ZNF566: variants seen among roughly 807,000 people sequenced by gnomAD.
ZNF566 encodes zinc finger protein 566.
ZNF566 carries 27 observed loss-of-function variants against 32.8 expected under a neutral mutation model. The ratio of observed to expected loss-of-function variants is 0.82; its 90% CI spans 0.61 to 1.14. ZNF566 has a LOEUF of 1.14. ZNF566 is among the 50% of genes most tolerant of loss of function. ZNF566 has a pLI of 0.00. For synonymous variants in ZNF566, 154 were observed against 159.5 expected, an observed-to-expected ratio of 0.97 and a Z score of 0.26; for missense variants, 402 against 490.4, an observed-to-expected ratio of 0.82 and a Z score of 1.70.
At position 36,467,808 on chromosome 19, in the gene ZNF566, AAAAAAAAAAAAAAAAAG is replaced by A. The variant is rs1568521844; in HGVS notation, c.232+5086_232+5102del. Among the ~76,000 whole-genome samples the A allele has an allele frequency of 3.3e-3, 77 of 23,074 alleles. 1 individual carries two copies. Among genetic ancestry groups the A allele is most frequent in the African/African-American group, 0.011 (67 of 6,024 alleles). 15.1% of individuals were successfully genotyped at this position (23,074 alleles called of 152,430 possible). ...TCCATCTCAAAAAAAAAAAAAAAAAAAAAAAAAAAAAAAAAAGAAAAAAAGAAGGAAATGCAAATTAA... is the reference window on the plus strand; with the variant it reads ...TCCATCTCAAAAAAAAAAAAAAAAAAAAAAAAAGAAGGAAATGCAAATTAA... On this transcript the variant is annotated intron_variant, in intron 4 of 4. Transcript: ENST00000452939.
At chr19:36,453,632 G>A (rs1325606564) in intron 4 of ZNF566, among the ~76,000 whole-genome samples, 2 of 151,426 alleles carry the variant, frequency 1.3e-5, no homozygotes, top group Non-Finnish European at 2.9e-5. Flanking sequence ...AGAAGTTAAA[G>A]TGTAGACTTT....
Position 36,473,773 on chromosome 19 carries a change from A to G in ZNF566, c.10-315T>C, listed in dbSNP as rs146775574. Among the ~76,000 whole-genome samples, 31 of 152,328 alleles carry G rather than the reference A, an allele frequency of 2.0e-4. No homozygotes were observed. In the East Asian group the frequency reaches 5.8e-3, roughly 28 times the overall value. ...AATTGTATATGCAATGCCTCACACT[A>G]TACCTGTCATATAATAAATCAACGA... is the stretch of plus-strand genomic sequence containing the variant. On this transcript the variant is annotated intron_variant, in intron 2 of 4. Transcript: ENST00000452939.
chr19:36,458,493 T>C (rs1207379425), intron 4 of ZNF566, among the ~76,000 whole-genome samples: 1 of 151,930 alleles, frequency 6.6e-6, no homozygotes, highest in Non-Finnish European at 1.5e-5. Flanking sequence ...TCACCAGGGG[T>C]TGGGGGACGG....
intron 4 of ZNF566, among the ~76,000 whole-genome samples, chr19:36,470,174 A>G (rs894351107): frequency 2.0e-5 from 3 of 152,106 alleles, no homozygotes; most frequent in South Asian, 2.1e-4. Context: ...AAGACTCTAT[A>G]TCTCTACATT....
Position 36,489,550 on chromosome 19 carries a change from C to T in ZNF566, c.-124G>A. On this transcript the variant is annotated 5_prime_UTR_variant, in exon 1 of 5. Transcript: ENST00000452939. ...AGTTGCTGGTAAAGCCCTGAGGGTC[C>T]CGCCAGCGCGTGAGTTGGAAGCTGA... 1 of 356,946 alleles carries T rather than the reference C, an allele frequency of 2.8e-6. No homozygotes were observed. Among genetic ancestry groups the T allele is most frequent in the East Asian group, 7.6e-5 (1 of 13,204 alleles). 22.1% of individuals were successfully genotyped at this position (356,946 alleles called of 1,614,324 possible).
At chr19:36,474,723 T>C (rs1391118181) in intron 2 of ZNF566, among the ~76,000 whole-genome samples, 3 of 152,202 alleles carry the variant, frequency 2.0e-5, no homozygotes, top group Non-Finnish European at 4.4e-5. Context: ...TTTAAAAACT[T>C]TGTATCTTAG....
At chr19:36,463,692 GCCA>G (rs200144005) in intron 4 of ZNF566, among the ~76,000 whole-genome samples, 2,011 of 150,760 alleles carry the variant, frequency 0.013, 47 homozygotes, top group African/African-American at 0.046. Flanking sequence ...ACAGGTGTGC[GCCA>G]CCACACCTGG....
At chr19:36,480,858 G>A (rs889917563) in intron 1 of ZNF566, among the ~76,000 whole-genome samples, 5 of 151,528 alleles carry the variant, frequency 3.3e-5, no homozygotes, top group African/African-American at 1.2e-4. Context: ...TGGCCAACAT[G>A]TTGAAATGCT....
chr19:36,448,999 T>C lies in ZNF566; in HGVS notation c.1235A>G (p.Gln412Arg). Residue 412 changes from glutamine (Q) to arginine (R), a missense_variant, in exon 5 of 5, where the codon CAG becomes CGG. Gln to Arg is a conservative substitution (Grantham distance 43). Around this residue, in one of 3 missense-constraint regions of ZNF566, gnomAD observed 47 missense variants for 38.5 expected, o/e 1.22. Transcript: ENST00000452939. ...KNFNYDPQLI[Q>R]HQNLYW The stretch of plus-strand genomic sequence containing the variant: ...TCATCACCAGTACAAATTTTGATGC[T>C]GAATAAGTTGTGGGTCATAATTAAA... 6.3e-7 allele frequency: 1 copy of C among 1,587,214 alleles called. No individual in the cohort carries two copies. The highest frequency in any genetic ancestry group is 8.6e-7 in the Non-Finnish European group (1 of 1,169,574).
At chr19:36,474,322 T>C (rs1224230796) in intron 2 of ZNF566, among the ~76,000 whole-genome samples, 1 of 152,112 alleles carries the variant, frequency 6.6e-6, no homozygotes, top group Admixed American at 6.6e-5. Flanking sequence ...CCTGTGGCAA[T>C]GATGCTGGAG....
chr19:36,467,649 G>C (rs1344884817), intron 4 of ZNF566, among the ~76,000 whole-genome samples: 1 of 149,860 alleles, frequency 6.7e-6, no homozygotes, highest in Non-Finnish European at 1.5e-5. Flanking sequence ...AAATTAGCTG[G>C]GCTTGGTGGC....
chr19:36,449,064 A>G lies in ZNF566; in HGVS notation c.1170T>C (p.Thr390=), dbSNP rs1335254523. ...SQLISHHRIH[T]SEKPYEYREC... is the part of the protein sequence containing the mutation. ...CCCTATATTCATAGGGTTTCTCACT[A>G]GTATGAATTCTATGATGACTAATAA... The change falls in exon 5 of 5, where the codon ACT becomes ACC. Residue 390 remains threonine, a synonymous_variant. Transcript: ENST00000452939. The G allele has an allele frequency of 6.8e-6, 11 of 1,613,744 alleles. No individual in the cohort carries two copies. Among genetic ancestry groups the G allele is most frequent in the Middle Eastern group, 1.6e-4 (1 of 6,078 alleles).
chr19:36,463,198 G>A (rs535876041), intron 4 of ZNF566, among the ~76,000 whole-genome samples: 2 of 151,860 alleles, frequency 1.3e-5, no homozygotes, highest in South Asian at 4.1e-4. Flanking sequence ...CAGCTACTCG[G>A]GGGCTGAGGT....
chr19:36,448,911 A>T lies in ZNF566; in HGVS notation c.*66T>A. 6 of 1,307,996 alleles carry T rather than the reference A, an allele frequency of 4.6e-6. No individual in the cohort carries two copies. Among genetic ancestry groups the T allele is most frequent in the Non-Finnish European group, 6.2e-6 (6 of 962,264 alleles). The allele number at this position is 1,307,996 out of a possible 1,614,324, so 81.0% of individuals were successfully genotyped here. A position where few individuals can be genotyped will look rare whatever the true frequency, so the allele number is the denominator to read the frequency against. ...ATTATTCTATCTAGAGGAATTATTA[A>T]CAAGATAAATTCTGTTTTGAGCCAT... On this transcript the variant is annotated 3_prime_UTR_variant, in exon 5 of 5. Coordinates refer to ENST00000452939, the MANE Select transcript of ZNF566 (RefSeq NM_001145344.1).
Position 36,476,551 on chromosome 19 carries a change from G to C in ZNF566, c.7C>G (p.Gln3Glu). The C allele has an allele frequency of 6.2e-7, 1 of 1,613,424 alleles. No individual in the cohort carries two copies. The highest frequency in any genetic ancestry group is 8.5e-7 in the Non-Finnish European group (1 of 1,179,630). The change falls in exon 2 of 5, where the codon CAG becomes GAG. Residue 3 changes from glutamine (Q) to glutamate (E), a missense_variant and splice_region_variant. This residue lies in a region of ZNF566 where 220 missense variants were observed against 241.9 expected (regional missense o/e 0.91). Coordinates refer to ENST00000452939, the MANE Select transcript of ZNF566 (RefSeq NM_001145344.1). ...AGCAAAAGGAAACAGTATCTCACCTGAGCCATGGCTCTGATATTTGTAGAA... is the reference window on the plus strand; with the variant it reads ...AGCAAAAGGAAACAGTATCTCACCTCAGCCATGGCTCTGATATTTGTAGAA... MA[Q>E]ESVMFSDVSV...
chr19:36,478,464 G>T (rs1344508965), intron 1 of ZNF566, among the ~76,000 whole-genome samples: 1 of 152,002 alleles, frequency 6.6e-6, no homozygotes, highest in African/African-American at 2.4e-5. Context: ...CTTCCAAGCA[G>T]GATGGCATGA....
At position 36,473,413 on chromosome 19, in the gene ZNF566, C is replaced by A; in HGVS notation, c.55G>T (p.Glu19Ter). Reference sequence around the variant, plus strand: ...TGATCATCATTCAGGCATTCCCACTCCTCCTGAGAGAAGTCTACGGACACA... The same window carrying A: ...TGATCATCATTCAGGCATTCCCACTACTCCTGAGAGAAGTCTACGGACACA... ...SDVSVDFSQE[E>*]WECLNDDQRD... The change falls in exon 3 of 5, where the codon GAG becomes TAG. Residue 19 changes from glutamate (E) to a stop codon, truncating the protein, a stop_gained. Coordinates refer to ENST00000452939, the MANE Select transcript of ZNF566 (RefSeq NM_001145344.1). LOFTEE classifies it high-confidence loss of function. The A allele has an allele frequency of 6.2e-7, 1 of 1,613,230 alleles. No homozygotes were observed. The highest frequency in any genetic ancestry group is 1.3e-5 in the African/African-American group (1 of 75,010).
chr19:36,449,249 G>A lies in ZNF566; in HGVS notation c.985C>T (p.His329Tyr), dbSNP rs2033077302. ...TTCTCACCTGTATGGATTCTTTGAT[G>A]TTTAATAAGTTGTGAGCTCTGACTA... ...AFSQSSQLIK[H>Y]QRIHTGEKPY... Residue 329 changes from histidine to tyrosine, a missense_variant, in exon 5 of 5, where the codon CAT (histidine) becomes TAT (tyrosine). By Grantham distance (83) the His-to-Tyr change is moderately conservative (BLOSUM62 2). Coordinates refer to ENST00000452939, the MANE Select transcript of ZNF566 (RefSeq NM_001145344.1). 6.2e-7 allele frequency: 1 copy of A among 1,614,100 alleles called. No homozygotes were observed. Among genetic ancestry groups the A allele is most frequent in the South Asian group, 1.1e-5 (1 of 91,074 alleles).
In ZNF566 at chr19:36,472,886, G is replaced by T. The variant is rs377679783; in HGVS notation, c.232+25C>A. 7.0e-6 allele frequency: 11 copies of T among 1,580,216 alleles called. 1 individual carries two copies. In the South Asian group the frequency reaches 1.1e-4, roughly 16 times the overall value. ...GCAGTCTCTCTACCAGCCAAATCAC[G>T]CATTACCTGCTGTGCCTCACTTACC... On this transcript the variant is annotated intron_variant, in intron 4 of 4. Coordinates refer to ENST00000452939, the MANE Select transcript of ZNF566 (RefSeq NM_001145344.1).
Sources: allele counts gnomAD v4.1 joint callset (sites outside exome capture counted in the v4.1 genomes callset), GRCh38; gene constraint gnomAD v4.1.1; regional missense constraint gnomAD v4.1.1; transcripts MANE v1.5; gene names NCBI Gene and HGNC (gene_info 2026-07-23, HGNC 2026-07-21).